The following DOK5 variants were observed in gnomAD, a reference collection of about 807,000 sequenced individuals.
The protein encoded by DOK5 is docking protein 5.
A neutral mutation model predicts 43.3 loss-of-function variants in DOK5; 27 were observed. That is an observed-to-expected ratio of 0.62 (90% CI 0.46 to 0.86). The LOEUF is 0.86. Among genes scored for constraint, DOK5 ranks in the 40% least tolerant of loss-of-function variants. The pLI is 0.00. For synonymous variants in DOK5, 146 were observed against 140.1 expected (o/e 1.04, Z -0.30); for missense variants, 373 against 392.9 (o/e 0.95, Z 0.43).
intron 1 of DOK5, among the ~76,000 whole-genome samples, chr20:54,481,096 T>C (rs1245820647): frequency 6.8e-6 from 1 of 146,276 alleles, no homozygotes; most frequent in Admixed American, 6.8e-5. Context: ...CTACCATCTA[T>C]CTATCTATCA....
At chr20:54,619,802 A>T (rs932476317) in intron 6 of DOK5, among the ~76,000 whole-genome samples, 1 of 152,342 alleles carries the variant, frequency 6.6e-6, no homozygotes, top group East Asian at 1.9e-4. Context: ...ATTTATATTC[A>T]ATCTAATTTT....
In DOK5 at chr20:54,570,802, C is replaced by G. The variant is rs562524443; in HGVS notation, c.174+15762C>G. On this transcript the variant is annotated intron_variant, in intron 2 of 7. Transcript: ENST00000262593. ...CATTGTAGTAATCTTTTTGAAACAGCAGAAGAAATTTCAACAGTTTCCCGT... is the reference window on the plus strand; with the variant it reads ...CATTGTAGTAATCTTTTTGAAACAGGAGAAGAAATTTCAACAGTTTCCCGT... 1.4e-3 allele frequency among the ~76,000 whole-genome samples: 217 copies of G among 152,244 alleles called. 1 individual carries two copies. Among genetic ancestry groups the G allele is most frequent in the African/African-American group, 4.8e-3 (201 of 41,546 alleles).
chr20:54,571,112 T>C (rs1210074102), intron 2 of DOK5, among the ~76,000 whole-genome samples: 1 of 152,270 alleles, frequency 6.6e-6, no homozygotes, highest in Non-Finnish European at 1.5e-5. Context: ...GTGTTGAGTA[T>C]TTCTTTCTTT....
chr20:54,508,107 T>C (rs1982879021), intron 1 of DOK5, among the ~76,000 whole-genome samples: 1 of 152,010 alleles, frequency 6.6e-6, no homozygotes, highest in South Asian at 2.1e-4. Flanking sequence ...CATGCCAAAG[T>C]TGGGTTTAGA....
intron 1 of DOK5, among the ~76,000 whole-genome samples, chr20:54,538,820 T>C (rs1423507241): frequency 1.3e-5 from 2 of 152,196 alleles, no homozygotes; most frequent in African/African-American, 4.8e-5. Flanking sequence ...AACCTAGATG[T>C]CCTTCAGTGA....
At position 54,633,734 on chromosome 20, in the gene DOK5, G is replaced by A. The variant is rs139330272; in HGVS notation, c.736-9724G>A. ...ACTTGAGTTATTAATACTTTAAGGA[G>A]CAACCTGATGAAAATTTAAGAGCTT... On this transcript the variant is annotated intron_variant, in intron 6 of 7. Coordinates refer to ENST00000262593, the MANE Select transcript of DOK5 (RefSeq NM_018431.5). 6.9e-3 allele frequency among the ~76,000 whole-genome samples: 1,049 copies of A among 152,284 alleles called. 8 individuals are homozygous for A. The highest frequency in any genetic ancestry group is 0.024 in the African/African-American group (980 of 41,550).
chr20:54,635,313 C>T (rs1256533733), intron 6 of DOK5, among the ~76,000 whole-genome samples: 1 of 152,192 alleles, frequency 6.6e-6, no homozygotes, highest in Non-Finnish European at 1.5e-5. Context: ...TGTAGAGAAT[C>T]TTCTTCCCTT....
At chr20:54,557,513 C>G (rs1984745107) in intron 2 of DOK5, among the ~76,000 whole-genome samples, 1 of 152,114 alleles carries the variant, frequency 6.6e-6, no homozygotes, top group African/African-American at 2.4e-5. Flanking sequence ...CATCTGCTGC[C>G]CAGGGATGAG....
At position 54,574,770 on chromosome 20, in the gene DOK5, T is replaced by C. The variant is rs1200677400; in HGVS notation, c.175-13713T>C. The stretch of plus-strand genomic sequence containing the variant: ...AGGACAAATTGGGGGATTAAAAAAA[T>C]AGTATTTTGATGCAGAGGAAAGCCT... On this transcript the variant is annotated intron_variant, in intron 2 of 7. Transcript: ENST00000262593. Among the ~76,000 whole-genome samples, 5 of 152,220 alleles carry C rather than the reference T, an allele frequency of 3.3e-5. No homozygotes were observed. In the East Asian group the frequency reaches 9.7e-4, roughly 29 times the overall value.
intron 6 of DOK5, among the ~76,000 whole-genome samples, chr20:54,636,953 C>T (rs1978853284): frequency 6.6e-6 from 1 of 152,198 alleles, no homozygotes. Context: ...AACATAATCC[C>T]TGGACTTTCA....
chr20:54,525,580 G>A (rs996799639), intron 1 of DOK5, among the ~76,000 whole-genome samples: 2 of 152,190 alleles, frequency 1.3e-5, no homozygotes, highest in Non-Finnish European at 2.9e-5. Flanking sequence ...GTCTTGAGAT[G>A]TTAAAGCCTG....
chr20:54,601,030 G>T (rs1986284544), intron 5 of DOK5, among the ~76,000 whole-genome samples: 1 of 152,206 alleles, frequency 6.6e-6, no homozygotes, highest in Non-Finnish European at 1.5e-5. Context: ...CTTAAGTCTT[G>T]GATGATGATA....
chr20:54,648,743 T>TC (rs1409992530), intron 7 of DOK5, among the ~76,000 whole-genome samples: 1 of 152,124 alleles, frequency 6.6e-6, no homozygotes, highest in Non-Finnish European at 1.5e-5. Context: ...CATGGCAGTG[T>TC]CAGATTTAAT....
rs1393509610 is a variant in DOK5, at chr20:54,651,009, T to G, written c.*530T>G. 6.6e-6 allele frequency: 1 copy of G among 152,430 alleles called. No homozygotes were observed. Among genetic ancestry groups the G allele is most frequent in the African/African-American group, 2.4e-5 (1 of 41,472 alleles). 9.4% of individuals were successfully genotyped at this position (152,430 alleles called of 1,614,324 possible). A position where few individuals can be genotyped will look rare whatever the true frequency, so the allele number is the denominator to read the frequency against. On this transcript the variant is annotated 3_prime_UTR_variant, in exon 8 of 8. Transcript: ENST00000262593. Reference sequence around the variant, plus strand: ...TGCTTCGACTCACTCTTATCTGTTCTGTTCAAAACTATTTGTTCAAAGAAC... The same window carrying G: ...TGCTTCGACTCACTCTTATCTGTTCGGTTCAAAACTATTTGTTCAAAGAAC...
At chr20:54,589,280 AT>A in intron 4 of DOK5, among the ~76,000 whole-genome samples, 1 of 152,290 alleles carries the variant, frequency 6.6e-6, no homozygotes, top group Middle Eastern at 3.4e-3. Context: ...TGTCATGGGC[AT>A]TTTTTGGTCA....
At chr20:54,639,331 C>T (rs181310615) in intron 6 of DOK5, among the ~76,000 whole-genome samples, 1 of 152,348 alleles carries the variant, frequency 6.6e-6, no homozygotes, top group Non-Finnish European at 1.5e-5. Flanking sequence ...CCTGGACTTC[C>T]TCAAGCTGGC....
chr20:54,529,369 T>C (rs1248337745), intron 1 of DOK5, among the ~76,000 whole-genome samples: 1 of 152,202 alleles, frequency 6.6e-6, no homozygotes, highest in Non-Finnish European at 1.5e-5. Context: ...TTATAAATCA[T>C]GGAATTGTTA....
chr20:54,545,745 T>A (rs1321759818), intron 1 of DOK5, among the ~76,000 whole-genome samples: 1 of 152,234 alleles, frequency 6.6e-6, no homozygotes, highest in East Asian at 1.9e-4. Flanking sequence ...CTAGGATACA[T>A]GGAGTCCTGG....
chr20:54,644,521 A>G (rs1221258648), intron 7 of DOK5, among the ~76,000 whole-genome samples: 1 of 150,634 alleles, frequency 6.6e-6, no homozygotes, highest in East Asian at 2.0e-4. Flanking sequence ...TGGCTAACAC[A>G]GTGAAACCCC....
Sources: allele counts gnomAD v4.1 joint callset (sites outside exome capture counted in the v4.1 genomes callset), GRCh38; gene constraint gnomAD v4.1.1; transcripts MANE v1.5; gene names NCBI Gene and HGNC (gene_info 2026-07-23, HGNC 2026-07-21).